Variants in CBX5 observed in about 807,000 individuals in gnomAD.
The protein encoded by CBX5 is chromobox protein homolog 5.
CBX5 carries 7 observed loss-of-function variants against 20.7 expected under a neutral mutation model. That is an observed-to-expected ratio of 0.34 (90% CI 0.19 to 0.63). CBX5 has a LOEUF of 0.63. CBX5 is among the 30% of genes least tolerant of loss of function. The pLI is 0.75. For synonymous variants in CBX5, 78 were observed against 77.0 expected, an observed-to-expected ratio of 1.01 and a Z score of -0.07; for missense variants, 110 against 224.1, an observed-to-expected ratio of 0.49 and a Z score of 3.25.
intron 1 of CBX5, among the ~76,000 whole-genome samples, chr12:54,260,822 C>T (rs969911884): frequency 1.3e-5 from 2 of 152,076 alleles, no homozygotes; most frequent in African/African-American, 4.8e-5. Flanking sequence ...CTCTACTCTG[C>T]TTTATAGATG....
chr12:54,256,194 C>T (rs79880068), intron 2 of CBX5, among the ~76,000 whole-genome samples: 20,451 of 152,142 alleles, frequency 0.13, 1,895 homozygotes, highest in African/African-American at 0.25. Context: ...CAATAAACAT[C>T]TTCAAAATCT....
chr12:54,260,160 CAAAA>C (rs368171294), intron 1 of CBX5, among the ~76,000 whole-genome samples: 2 of 74,980 alleles, frequency 2.7e-5, no homozygotes, highest in South Asian at 5.0e-4. Context: ...AAACAACAAC[CAAAA>C]AAAAAAAAAA....
chr12:54,236,733 C>T lies in CBX5; in HGVS notation c.*5022G>A, dbSNP rs4759348. 0.81 allele frequency: 123,118 copies of T among 152,170 alleles called. 50,772 individuals carry two copies. The highest frequency in any genetic ancestry group is 1 in the East Asian group (5,171 of 5,180). The allele number at this position is 152,170 out of a possible 1,614,324, so 9.4% of individuals were successfully genotyped here. On this transcript the variant is annotated 3_prime_UTR_variant, in exon 5 of 5. Coordinates refer to ENST00000209875, the MANE Select transcript of CBX5 (RefSeq NM_012117.3). ...AACCATTTCCACATTTCAGATCTAA[C>T]GGTGTTCTCATGACATTGCAAAGTA...
intron 1 of CBX5, among the ~76,000 whole-genome samples, chr12:54,275,140 T>C (rs1335695660): frequency 6.6e-6 from 1 of 152,214 alleles, no homozygotes; most frequent in African/African-American, 2.4e-5. Context: ...CCTGCTCACC[T>C]ACTACCCAAA....
rs143091613 is a variant in CBX5, at chr12:54,271,363, T to C, written c.-43+8645A>G. Among the ~76,000 whole-genome samples the C allele has an allele frequency of 6.5e-3, 990 of 152,348 alleles. 16 individuals carry two copies. Among genetic ancestry groups the C allele is most frequent in the African/African-American group, 0.023 (944 of 41,582 alleles). On this transcript the variant is annotated intron_variant, in intron 1 of 4. Coordinates refer to ENST00000209875, the MANE Select transcript of CBX5 (RefSeq NM_012117.3). ...TTTTTTGAGACGGAGTCTTGCTCTG[T>C]CACCCAGGCTGGAGTGCAGTGGCGC...
chr12:54,275,429 G>C (rs1040484481), intron 1 of CBX5, among the ~76,000 whole-genome samples: 1 of 151,918 alleles, frequency 6.6e-6, no homozygotes, highest in Non-Finnish European at 1.5e-5. Context: ...TTTTAGCGGA[G>C]ATGGGGTTTC....
chr12:54,271,470 C>T (rs1231369803), intron 1 of CBX5, among the ~76,000 whole-genome samples: 1 of 152,256 alleles, frequency 6.6e-6, no homozygotes, highest in South Asian at 2.1e-4. Flanking sequence ...GGATTACAGG[C>T]GCACGCCACC....
intron 2 of CBX5, among the ~76,000 whole-genome samples, chr12:54,256,318 C>G (rs1357035112): frequency 6.6e-6 from 1 of 152,176 alleles, no homozygotes; most frequent in Non-Finnish European, 1.5e-5. Flanking sequence ...CAGAGGGCAT[C>G]TTCTGATTGT....
chr12:54,263,446 A>G (rs1943929230), intron 1 of CBX5, among the ~76,000 whole-genome samples: 1 of 151,428 alleles, frequency 6.6e-6, no homozygotes, highest in South Asian at 2.1e-4. Context: ...CCAGAAAAAC[A>G]AGAGGTAGGC....
At chr12:54,253,727 C>CAAAAAA (rs58403125) in intron 2 of CBX5, among the ~76,000 whole-genome samples, 6 of 70,892 alleles carry the variant, frequency 8.5e-5, no homozygotes, top group African/African-American at 2.9e-4. Context: ...GATACCATCT[C>CAAAAAA]AAAAAAAAAA....
chr12:54,259,752 G>T (rs1943898034), intron 1 of CBX5, among the ~76,000 whole-genome samples: 1 of 152,256 alleles, frequency 6.6e-6, no homozygotes, highest in Non-Finnish European at 1.5e-5. Flanking sequence ...AAATTGGAAG[G>T]TACCTCTCTT....
At chr12:54,275,728 G>A (rs1264603129) in intron 1 of CBX5, among the ~76,000 whole-genome samples, 1 of 151,984 alleles carries the variant, frequency 6.6e-6, no homozygotes, top group Non-Finnish European at 1.5e-5. Flanking sequence ...ATTGGAGGCT[G>A]GGCACAGTGG....
chr12:54,277,779 T>C (rs1004580513), intron 1 of CBX5, among the ~76,000 whole-genome samples: 2 of 152,228 alleles, frequency 1.3e-5, no homozygotes, highest in Non-Finnish European at 2.9e-5. Context: ...TTCTCACCTT[T>C]ACCTATTTTC....
chr12:54,276,122 A>G (rs1460700043), intron 1 of CBX5, among the ~76,000 whole-genome samples: 3 of 152,202 alleles, frequency 2.0e-5, no homozygotes, highest in Non-Finnish European at 2.9e-5. Flanking sequence ...AGTAAACTAG[A>G]AAGTCTCGGT....
rs962398162 is a variant in CBX5 at position 54,241,753 on chromosome 12, C to T, written c.*2G>A. 9 of 1,610,728 alleles carry T rather than the reference C, an allele frequency of 5.6e-6. No homozygotes were observed. The Admixed American group carries it at 6.8e-5, about 12-fold the overall frequency. On this transcript the variant is annotated 3_prime_UTR_variant, in exon 5 of 5. Transcript: ENST00000209875. ...GAGAAATGACAGAGACCATCCCCTC[C>T]TTTAGCTCTTTGCTGTTTCTTTCTC...
intron 4 of CBX5, among the ~76,000 whole-genome samples, chr12:54,245,847 G>A (rs934397426): frequency 2.0e-5 from 3 of 151,180 alleles, no homozygotes; most frequent in Admixed American, 1.3e-4. Flanking sequence ...GCATGGTGGC[G>A]GGCACCTGTC....
At chr12:54,265,676 A>AT (rs1369660985) in intron 1 of CBX5, among the ~76,000 whole-genome samples, 1 of 152,214 alleles carries the variant, frequency 6.6e-6, no homozygotes, top group Admixed American at 6.5e-5. Context: ...AAACTTTATT[A>AT]AAAGAAGAGA....
chr12:54,247,359 G>A (rs769930359), intron 3 of CBX5, among the ~76,000 whole-genome samples: 30 of 152,152 alleles, frequency 2.0e-4, no homozygotes, highest in Admixed American at 5.2e-4. Context: ...AGACCAACAT[G>A]GGCAACTGTC....
intron 2 of CBX5, among the ~76,000 whole-genome samples, chr12:54,254,192 T>C (rs1479723301): frequency 1.3e-5 from 2 of 150,670 alleles, no homozygotes; most frequent in Non-Finnish European, 3.0e-5. Context: ...CAGTCGGGCA[T>C]GGTGGCACCT....
Sources: allele counts gnomAD v4.1 joint callset (sites outside exome capture counted in the v4.1 genomes callset), GRCh38; gene constraint gnomAD v4.1.1; transcripts MANE v1.5; gene names NCBI Gene and HGNC (gene_info 2026-07-23, HGNC 2026-07-21).